Variants in SFRP1 observed in about 807,000 individuals in gnomAD.
SFRP1 encodes secreted frizzled related protein 1, also known as secreted frizzled-related protein 1.
SFRP1 carries 9 observed loss-of-function variants against 25.9 expected under a neutral mutation model. The observed-to-expected ratio is 0.35, with a 90% CI of 0.21 to 0.61. The LOEUF is 0.61. Among genes scored for constraint, SFRP1 ranks in the 20% least tolerant of loss-of-function variants. The pLI is 0.78. For missense variants in SFRP1, 346 were observed against 418.2 expected (o/e 0.83, Z 1.51); for synonymous variants, 178 against 174.0 (o/e 1.02, Z -0.18).
intron 2 of SFRP1, among the ~76,000 whole-genome samples, chr8:41,275,653 C>A (rs1056664792): frequency 4.6e-5 from 7 of 151,804 alleles, no homozygotes; most frequent in Non-Finnish European, 1.0e-4. Context: ...CAGGCACACA[C>A]CGCCACGCCC....
At chr8:41,273,886 C>A (rs1244313674) in intron 2 of SFRP1, among the ~76,000 whole-genome samples, 1 of 152,126 alleles carries the variant, frequency 6.6e-6, no homozygotes, top group Non-Finnish European at 1.5e-5. Context: ...GCTGGCACCA[C>A]CCAATCAGCT....
chr8:41,268,500 G>A (rs151317943), intron 2 of SFRP1, among the ~76,000 whole-genome samples: 3 of 152,308 alleles, frequency 2.0e-5, no homozygotes, highest in Admixed American at 6.5e-5. Context: ...TGTAGTTTAC[G>A]TAGGTGGGGG....
intron 2 of SFRP1, 144 bp downstream of exon 2, chr8:41,303,317 C>A: frequency 1.5e-6 from 1 of 669,664 alleles, no homozygotes; most frequent in Non-Finnish European, 2.7e-6. Flanking sequence ...CTCCCATCTG[C>A]CTGAGAAAAG....
rs770527018 is a variant in SFRP1 at position 41,301,275 on chromosome 8, G to A, written c.622+2186C>T. On this transcript the variant is annotated intron_variant, in intron 2 of 2. Coordinates refer to ENST00000220772, the MANE Select transcript of SFRP1 (RefSeq NM_003012.5). ...TCAAGCATTCTCTTTCTTCTCTGCT[G>A]TGTGTCAGCTTGCATTGTTCAATTT... 9.2e-5 allele frequency among the ~76,000 whole-genome samples: 14 copies of A among 152,282 alleles called. No homozygotes were observed. In the South Asian group the frequency reaches 2.5e-3, roughly 27 times the overall value.
chr8:41,276,917 G>C (rs554932388), intron 2 of SFRP1: 257 of 456,364 alleles, frequency 5.6e-4, no homozygotes, highest in Non-Finnish European at 9.3e-5. Flanking sequence ...GCAAGCTCAT[G>C]TACACATGCA....
chr8:41,271,185 G>A (rs533845597), intron 2 of SFRP1: 1 of 154,132 alleles, frequency 6.5e-6, no homozygotes, highest in Non-Finnish European at 1.5e-5. Flanking sequence ...ATTCTCAAGT[G>A]AGGCCTAACA....
At chr8:41,274,461 A>C (rs1471166228) in intron 2 of SFRP1, among the ~76,000 whole-genome samples, 3 of 152,242 alleles carry the variant, frequency 2.0e-5, no homozygotes, top group Admixed American at 6.5e-5. Context: ...GCTGCAAATA[A>C]TATTTACATA....
In SFRP1 at chr8:41,263,038, C is replaced by T. The variant is rs1004751008; in HGVS notation, c.*2129G>A. 1.3e-5 allele frequency: 2 copies of T among 152,248 alleles called. No homozygotes were observed. The highest frequency in any genetic ancestry group is 4.8e-5 in the African/African-American group (2 of 41,438). 9.4% of individuals were successfully genotyped at this position (152,248 alleles called of 1,614,324 possible). A position where few individuals can be genotyped will look rare whatever the true frequency, so the allele number is the denominator to read the frequency against. The stretch of plus-strand genomic sequence containing the variant: ...CTGCACAGCACAGTCACCTGCTCTT[C>T]CGTATTCTGTGGTAACTACTAATGT... On this transcript the variant is annotated 3_prime_UTR_variant, in exon 3 of 3. Coordinates refer to ENST00000220772, the MANE Select transcript of SFRP1 (RefSeq NM_003012.5).
intron 2 of SFRP1, among the ~76,000 whole-genome samples, chr8:41,298,438 G>T (rs1255115503): frequency 3.3e-5 from 5 of 151,684 alleles, no homozygotes; most frequent in African/African-American, 1.2e-4. Context: ...AGACAGTCTT[G>T]CTCTGTTGCC....
At position 41,271,564 on chromosome 8, in the gene SFRP1, A is replaced by C. The variant is rs1251275846; in HGVS notation, c.623-6075T>G. On this transcript the variant is annotated intron_variant, in intron 2 of 2. Transcript: ENST00000220772. ...CAGAGGAGGTAGGCTTCATTAGGTT[A>C]GACTAAGTGAGCTTCCCTGAATGGA... 7 of 162,334 alleles carry C rather than the reference A, an allele frequency of 4.3e-5. No homozygotes were observed. In the East Asian group the frequency reaches 9.9e-4, roughly 23 times the overall value. 10.1% of individuals were successfully genotyped at this position (162,334 alleles called of 1,614,324 possible).
intron 2 of SFRP1, among the ~76,000 whole-genome samples, chr8:41,291,199 C>T (rs1227722351): frequency 2.0e-5 from 3 of 151,908 alleles, no homozygotes; most frequent in Non-Finnish European, 4.4e-5. Flanking sequence ...TGAGTCACCA[C>T]GCCCGGCCTT....
At chr8:41,308,007 G>T (rs535988062) in intron 1 of SFRP1, among the ~76,000 whole-genome samples, 2 of 152,342 alleles carry the variant, frequency 1.3e-5, no homozygotes, top group East Asian at 3.9e-4. Context: ...TGGAGAAACA[G>T]AAGTCCCCAC....
In SFRP1 at chr8:41,299,098, C is replaced by A. The variant is rs796771289; in HGVS notation, c.622+4363G>T. On this transcript the variant is annotated intron_variant, in intron 2 of 2. Transcript: ENST00000220772. ...CTCCATCTCTTCACCGCCTACCCCCCCAACCCCCCACCTCCCATGCACAAG... is the reference window on the plus strand; with the variant it reads ...CTCCATCTCTTCACCGCCTACCCCCACAACCCCCCACCTCCCATGCACAAG... 7.2e-5 allele frequency among the ~76,000 whole-genome samples: 11 copies of A among 152,168 alleles called. No homozygotes were observed. The South Asian group carries it at 1.5e-3, about 20-fold the overall frequency.
At chr8:41,272,084 TATAAG>T (rs1803516859) in intron 2 of SFRP1, among the ~76,000 whole-genome samples, 1 of 152,102 alleles carries the variant, frequency 6.6e-6, no homozygotes, top group African/African-American at 2.4e-5. Context: ...AAATTTAAAA[TATAAG>T]AGAAGAAATA....
At chr8:41,272,186 T>G (rs926006506) in intron 2 of SFRP1, among the ~76,000 whole-genome samples, 3 of 152,250 alleles carry the variant, frequency 2.0e-5, no homozygotes, top group African/African-American at 7.2e-5. Context: ...AATATTTACA[T>G]AATTCTAATA....
At chr8:41,305,407 C>G (rs1373766202) in intron 1 of SFRP1, among the ~76,000 whole-genome samples, 1 of 152,220 alleles carries the variant, frequency 6.6e-6, no homozygotes, top group Non-Finnish European at 1.5e-5. Context: ...GACTTCAGTG[C>G]CTCTCAGAAT....
intron 2 of SFRP1, among the ~76,000 whole-genome samples, chr8:41,297,995 G>A (rs1478200450): frequency 4.6e-5 from 7 of 152,178 alleles, no homozygotes; most frequent in Non-Finnish European, 8.8e-5. Context: ...AAGTGCTGGT[G>A]GGCAGTAACA....
chr8:41,302,647 C>A (rs1323822607), intron 2 of SFRP1, among the ~76,000 whole-genome samples: 1 of 152,222 alleles, frequency 6.6e-6, no homozygotes, highest in Non-Finnish European at 1.5e-5. Flanking sequence ...AGAGAGGGAG[C>A]TGGCCCTCCA....
Position 41,263,164 on chromosome 8 carries a change from T to A in SFRP1, c.*2003A>T, listed in dbSNP as rs972014578. 1 of 152,634 alleles carries A rather than the reference T, an allele frequency of 6.6e-6. No individual in the cohort carries two copies. Among genetic ancestry groups the A allele is most frequent in the Admixed American group, 6.5e-5 (1 of 15,290 alleles). 9.5% of individuals were successfully genotyped at this position (152,634 alleles called of 1,614,324 possible). On this transcript the variant is annotated 3_prime_UTR_variant, in exon 3 of 3. Transcript: ENST00000220772. The stretch of plus-strand genomic sequence containing the variant: ...GCAGATACGTATGAGCACTGAACTC[T>A]TGAGTGAATCAACCAGAACTAAGAC...
Sources: allele counts gnomAD v4.1 joint callset (sites outside exome capture counted in the v4.1 genomes callset), GRCh38; gene constraint gnomAD v4.1.1; transcripts MANE v1.5; gene names NCBI Gene and HGNC (gene_info 2026-07-23, HGNC 2026-07-21).